The following ACACB variants were observed in gnomAD, a reference collection of about 807,000 sequenced individuals.
ACACB encodes the protein acetyl-CoA carboxylase 2.
In ACACB, 209 loss-of-function variants were observed where a neutral mutation model predicts 278.8. The observed-to-expected ratio is 0.75, with a 90% CI of 0.67 to 0.84. ACACB has a LOEUF of 0.84. ACACB is among the 40% of genes least tolerant of loss of function. The pLI is 0.00. For missense variants in ACACB, 2,850 were observed against 3,269.0 expected (o/e 0.87, Z 3.13); for synonymous variants, 1,174 against 1,285.6 (o/e 0.91, Z 1.86).
intron 1 of ACACB, among the ~76,000 whole-genome samples, chr12:109,121,137 A>C (rs1343979484): frequency 6.6e-6 from 1 of 152,030 alleles, no homozygotes; most frequent in African/African-American, 2.4e-5. Context: ...ACAGGGTTTC[A>C]CCATGTTGGC....
chr12:109,144,003 CAAAAAATAAAAAT>C (rs1460462354), intron 2 of ACACB, among the ~76,000 whole-genome samples: 1 of 151,668 alleles, frequency 6.6e-6, no homozygotes, highest in African/African-American at 2.4e-5. Flanking sequence ...CCTGTCTCTA[CAAAAAATAAAAAT>C]AAAAAATAAA....
chr12:109,113,865 G>A (rs1389754465), upstream of ACACB, among the ~76,000 whole-genome samples: 1 of 152,334 alleles, frequency 6.6e-6, no homozygotes, highest in South Asian at 2.1e-4. Context: ...TCAAGCTGAG[G>A]AAAGCTAGAA....
At chr12:109,167,655 T>TATATATATATA (rs1438380921) in intron 3 of ACACB, among the ~76,000 whole-genome samples, 2 of 66,508 alleles carry the variant, frequency 3.0e-5, no homozygotes, top group African/African-American at 7.3e-5. Flanking sequence ...ATATATATAT[T>TATATATATATA]TCAGACAAAC....
intron 22 of ACACB, among the ~76,000 whole-genome samples, chr12:109,213,867 T>C (rs564553889): frequency 6.6e-6 from 1 of 152,250 alleles, no homozygotes; most frequent in East Asian, 1.9e-4. Flanking sequence ...CCCAAAGTGC[T>C]GGGATTACAG....
intron 28 of ACACB, among the ~76,000 whole-genome samples, chr12:109,229,425 C>T (rs776415550): frequency 1.3e-5 from 2 of 152,148 alleles, no homozygotes; most frequent in Non-Finnish European, 2.9e-5. Context: ...ATTCAGGGGC[C>T]CTCTGAGCCA....
At chr12:109,206,958 G>A in intron 20 of ACACB, 102 bp downstream of exon 20, 2 of 1,350,204 alleles carry the variant, frequency 1.5e-6, no homozygotes, top group South Asian at 1.3e-5. Context: ...TGAGAAAATG[G>A]TCGGTCCTCT....
At chr12:109,237,992 A>G (rs1012748203) in intron 34 of ACACB, among the ~76,000 whole-genome samples, 7 of 149,476 alleles carry the variant, frequency 4.7e-5, no homozygotes, top group Admixed American at 4.7e-4. Context: ...AGCCTGGGGG[A>G]TAGAGTGAGA....
intron 28 of ACACB, among the ~76,000 whole-genome samples, chr12:109,227,717 T>C (rs1430242235): frequency 6.6e-6 from 1 of 152,212 alleles, no homozygotes; most frequent in Non-Finnish European, 1.5e-5. Flanking sequence ...ACAGTAGCCA[T>C]GTGTGCCTAT....
chr12:109,204,172 C>T (rs1185454419), intron 19 of ACACB, among the ~76,000 whole-genome samples: 10 of 151,746 alleles, frequency 6.6e-5, no homozygotes, highest in Non-Finnish European at 1.3e-4. Flanking sequence ...CATTTCTTTG[C>T]GCTAGGAACA....
At chr12:109,226,371 A>G (rs2046311602) in intron 27 of ACACB, among the ~76,000 whole-genome samples, 1 of 151,864 alleles carries the variant, frequency 6.6e-6, no homozygotes, top group African/African-American at 2.4e-5. Context: ...TAGACCATGG[A>G]CCATATTTGG....
At chr12:109,237,614 G>C (rs767152157) in intron 34 of ACACB, among the ~76,000 whole-genome samples, 1 of 152,142 alleles carries the variant, frequency 6.6e-6, no homozygotes, top group Non-Finnish European at 1.5e-5. Flanking sequence ...GGGTCTCTGC[G>C]CATGAGAAGA....
chr12:109,239,923 C>A lies in ACACB; in HGVS notation c.4756C>A (p.Arg1586Ser). 1 of 1,614,168 alleles carries A rather than the reference C, an allele frequency of 6.2e-7. No individual in the cohort carries two copies. The highest frequency in any genetic ancestry group is 8.5e-7 in the Non-Finnish European group (1 of 1,180,030). The change falls in exon 35 of 53, where the codon CGC becomes AGC. Residue 1586 changes from arginine to serine, a missense_variant. By Grantham distance (110) the Arg-to-Ser change is moderately radical. Transcript: ENST00000338432. ...LEVAFNNTSV[R>S]TDCNHIFLNF... ...GGTGGCGTTCAATAACACCAGCGTG[C>A]GCACCGACTGCAACCACATCTTCCT...
rs777510923 is a variant in ACACB at position 109,260,614 on chromosome 12, A to G, written c.6631A>G (p.Ile2211Val). Reference sequence around the variant, plus strand: ...CTCCTGGGTGGTCATAGATGCCACCATCAACCCGCTGTGCATAGAAATGTA... The same window carrying G: ...CTCCTGGGTGGTCATAGATGCCACCGTCAACCCGCTGTGCATAGAAATGTA... ...GGSWVVIDAT[I>V]NPLCIEMYAD... Residue 2211 changes from isoleucine to valine, a missense_variant, in exon 48 of 53, where the codon ATC becomes GTC. Coordinates refer to ENST00000338432, the MANE Select transcript of ACACB (RefSeq NM_001093.4). 5.6e-6 allele frequency: 9 copies of G among 1,608,696 alleles called. No individual in the cohort carries two copies. Among genetic ancestry groups the G allele is most frequent in the South Asian group, 2.2e-5 (2 of 90,396 alleles).
At chr12:109,203,736 G>A (rs968410453) in intron 19 of ACACB, among the ~76,000 whole-genome samples, 1 of 152,188 alleles carries the variant, frequency 6.6e-6, no homozygotes, top group Non-Finnish European at 1.5e-5. Flanking sequence ...GCTCTTGGGG[G>A]CACCTCCAAT....
intron 2 of ACACB, among the ~76,000 whole-genome samples, chr12:109,159,526 G>A (rs2043653578): frequency 6.6e-6 from 1 of 152,174 alleles, no homozygotes; most frequent in Non-Finnish European, 1.5e-5. Flanking sequence ...AGGGAGTATT[G>A]AAGTAACTTT....
rs1450816537 is a variant in ACACB at position 109,185,661 on chromosome 12, C to T, written c.1901C>T (p.Ser634Phe). Residue 634 changes from serine (S) to phenylalanine (F), a missense_variant, in exon 12 of 53, where the codon TCT (serine) becomes TTT (phenylalanine). Ser to Phe is a radical substitution (Grantham distance 155). Coordinates refer to ENST00000338432, the MANE Select transcript of ACACB (RefSeq NM_001093.4). ...TCACCATGGGGAGTGACTCCCATTT[C>T]TTTTGAAACCCCCTCAAACCCTCCC... Reference protein sequence around the residue: ...GESPWGVTPISFETPSNPPLA... With the variant: ...GESPWGVTPIFFETPSNPPLA... 6.2e-7 allele frequency: 1 copy of T among 1,613,980 alleles called. No homozygotes were observed. The highest frequency in any genetic ancestry group is 1.3e-5 in the African/African-American group (1 of 75,014).
intron 33 of ACACB, 194 bp downstream of exon 33, chr12:109,235,841 A>T (rs907940580): frequency 1.8e-6 from 1 of 540,900 alleles, no homozygotes; most frequent in Non-Finnish European, 3.2e-6. Flanking sequence ...CTACAAAAAA[A>T]TTAAAAAATC....
chr12:109,169,782 C>T (rs2044048934), intron 4 of ACACB, among the ~76,000 whole-genome samples: 1 of 152,172 alleles, frequency 6.6e-6, no homozygotes, highest in Non-Finnish European at 1.5e-5. Context: ...TCTTGTTTAT[C>T]TTCTCCAACA....
intron 24 of ACACB, among the ~76,000 whole-genome samples, chr12:109,221,987 A>G (rs1023107001): frequency 1.5e-4 from 22 of 151,398 alleles, no homozygotes; most frequent in South Asian, 6.3e-4. Flanking sequence ...AGGGATGATC[A>G]AATCATCCTC....
Sources: gnomAD v4.1 joint callset for allele counts (sites outside exome capture counted in the v4.1 genomes callset) on GRCh38, gnomAD v4.1.1 for gene constraint, MANE v1.5 for transcripts, NCBI Gene and HGNC (gene_info 2026-07-23, HGNC 2026-07-21) for gene names.